EYA4: variants seen among roughly 807,000 people sequenced by gnomAD.
The protein encoded by EYA4 is protein phosphatase EYA4.
A neutral mutation model predicts 87.9 loss-of-function variants in EYA4; 31 were observed. The observed-to-expected ratio is 0.35, with a 90% CI of 0.27 to 0.48. EYA4 has a LOEUF of 0.48. EYA4 is among the 20% of genes least tolerant of loss of function. The pLI, the probability that EYA4 is intolerant of heterozygous loss-of-function variation, is 0.99. For missense variants in EYA4, 678 were observed against 761.4 expected (o/e 0.89, Z 1.29); for synonymous variants, 263 against 270.6 (o/e 0.97, Z 0.28).
intron 11 of EYA4, among the ~76,000 whole-genome samples, chr6:133,479,530 G>GTTTA (rs922229814): frequency 1.3e-4 from 19 of 151,942 alleles, no homozygotes; most frequent in Non-Finnish European, 2.2e-4. Flanking sequence ...GTTCAGATTT[G>GTTTA]TTTATTTAGA....
intron 2 of EYA4, among the ~76,000 whole-genome samples, chr6:133,278,313 C>A (rs78457404): frequency 0.05 from 7,638 of 152,222 alleles, 273 homozygotes; most frequent in Non-Finnish European, 0.078. Flanking sequence ...TCAGCCCTAC[C>A]GGTCAGGGCC....
intron 3 of EYA4, among the ~76,000 whole-genome samples, chr6:133,388,939 T>C (rs1406707388): frequency 1.3e-5 from 2 of 152,182 alleles, no homozygotes; most frequent in Non-Finnish European, 2.9e-5. Context: ...CCCACGTCCT[T>C]CTGCTTCTGC....
chr6:133,399,896 G>A (rs1039046470), intron 3 of EYA4, among the ~76,000 whole-genome samples: 2 of 152,166 alleles, frequency 1.3e-5, no homozygotes, highest in Admixed American at 6.5e-5. Context: ...AAAACACAAA[G>A]AGGAGGTTTT....
chr6:133,446,439 T>C (rs547473782), intron 3 of EYA4, among the ~76,000 whole-genome samples, 191 bp from the exon 4 acceptor site: 1 of 152,292 alleles, frequency 6.6e-6, no homozygotes, highest in East Asian at 1.9e-4. Flanking sequence ...GGGAAGCTTT[T>C]CTTATTTATT....
intron 2 of EYA4, among the ~76,000 whole-genome samples, chr6:133,328,277 C>G (rs971884596): frequency 1.3e-5 from 2 of 152,046 alleles, no homozygotes; most frequent in Non-Finnish European, 2.9e-5. Context: ...TATGTTATCA[C>G]TATTATTATT....
At chr6:133,355,644 G>T in intron 2 of EYA4, among the ~76,000 whole-genome samples, 1 of 152,272 alleles carries the variant, frequency 6.6e-6, no homozygotes, top group South Asian at 2.1e-4. Context: ...TGTCCTCATT[G>T]ATTGCTATAT....
At chr6:133,397,034 A>G (rs766099793) in intron 3 of EYA4, among the ~76,000 whole-genome samples, 1 of 152,206 alleles carries the variant, frequency 6.6e-6, no homozygotes, top group Non-Finnish European at 1.5e-5. Context: ...CAAGGCTTAG[A>G]AAATGTTAGT....
At chr6:133,288,326 C>T (rs558577957) in intron 2 of EYA4, among the ~76,000 whole-genome samples, 6 of 152,066 alleles carry the variant, frequency 3.9e-5, no homozygotes, top group Admixed American at 1.3e-4. Context: ...AGAAAGACAT[C>T]GAGTAAAGAA....
Position 133,337,817 on chromosome 6 carries a change from A to G in EYA4, c.34-44575A>G, listed in dbSNP as rs370847153. Among the ~76,000 whole-genome samples, 9 of 152,244 alleles carry G rather than the reference A, an allele frequency of 5.9e-5. 1 individual carries two copies. Among genetic ancestry groups the G allele is most frequent in the East Asian group, 3.9e-4 (2 of 5,172 alleles). ...TTATATAAGCTATTCCTTTTCCAGA[A>G]TTTGTTCAGATATCCACAAACTGAG... On this transcript the variant is annotated intron_variant, in intron 2 of 19. Transcript: ENST00000355286.
At chr6:133,527,433 G>A (rs2128823280) in intron 19 of EYA4, among the ~76,000 whole-genome samples, 1 of 152,280 alleles carries the variant, frequency 6.6e-6, no homozygotes, top group East Asian at 1.9e-4. Flanking sequence ...AATACAAGCT[G>A]TATATGTAGT....
At chr6:133,284,517 G>A (rs376152313) in intron 2 of EYA4, among the ~76,000 whole-genome samples, 1 of 152,168 alleles carries the variant, frequency 6.6e-6, no homozygotes, top group African/African-American at 2.4e-5. Context: ...ATAGCAGAAT[G>A]TATGGAAATT....
intron 2 of EYA4, among the ~76,000 whole-genome samples, chr6:133,303,891 A>G (rs1582899875): frequency 8.3e-6 from 1 of 121,128 alleles, no homozygotes; most frequent in Non-Finnish European, 2.1e-5. Flanking sequence ...ACTAAATTTA[A>G]TATGAGATTA....
Position 133,481,443 on chromosome 6 carries a change from C to T in EYA4, c.971-20C>T. On this transcript the variant is annotated intron_variant, in intron 11 of 19. Transcript: ENST00000355286. Reference sequence around the variant, plus strand: ...CTAAAAATGAAGTGCTATTCTTGACCTAAGTCATGTTATCTATAGGAGAGT... The same window carrying T: ...CTAAAAATGAAGTGCTATTCTTGACTTAAGTCATGTTATCTATAGGAGAGT... 6.2e-7 allele frequency: 1 copy of T among 1,612,172 alleles called. No individual in the cohort carries two copies. The highest frequency in any genetic ancestry group is 1.1e-5 in the South Asian group (1 of 91,040).
rs117552578 is a variant in EYA4, at chr6:133,518,596, T to C, written c.1616+3161T>C. Among the ~76,000 whole-genome samples, 86 of 152,316 alleles carry C rather than the reference T, an allele frequency of 5.6e-4. 2 individuals are homozygous for C. The East Asian group carries it at 0.016, about 28-fold the overall frequency. ...CCCTAATTATTCTGTGAATATAGTCTCAGAATAACGAAAGATGTAAGAATA... is the reference window on the plus strand; with the variant it reads ...CCCTAATTATTCTGTGAATATAGTCCCAGAATAACGAAAGATGTAAGAATA... On this transcript the variant is annotated intron_variant, in intron 17 of 19. Transcript: ENST00000355286.
intron 2 of EYA4, among the ~76,000 whole-genome samples, chr6:133,330,023 A>G (rs1187897581): frequency 6.6e-6 from 1 of 152,060 alleles, no homozygotes; most frequent in Non-Finnish European, 1.5e-5. Flanking sequence ...TTAATGAAAC[A>G]ATGTACAGTG....
At chr6:133,260,643 CTTTAT>C (rs1383425763) in intron 1 of EYA4, among the ~76,000 whole-genome samples, 2 of 152,150 alleles carry the variant, frequency 1.3e-5, no homozygotes, top group Non-Finnish European at 1.5e-5. Flanking sequence ...CTAGGTCAGT[CTTTAT>C]TTTATTTTAT....
chr6:133,446,649 C>T lies in EYA4; in HGVS notation c.103C>T (p.Leu35=), dbSNP rs35562371. 2,090 of 1,613,746 alleles carry T rather than the reference C, an allele frequency of 1.3e-3. 25 individuals carry two copies. The African/African-American group carries it at 0.023, about 18-fold the overall frequency. Residue 35 remains leucine, a synonymous_variant, in exon 4 of 20, where the codon CTA becomes TTA. Transcript: ENST00000355286. ...QNSRSMEMQD[L]ASPHTLVGGG... ...TACCAGGTCTATGGAAATGCAGGAC[C>T]TAGCAAGTCCTCATACTCTTGTTGG...
At chr6:133,511,102 A>G (rs1340773034) in intron 14 of EYA4, among the ~76,000 whole-genome samples, 3 of 152,176 alleles carry the variant, frequency 2.0e-5, no homozygotes, top group African/African-American at 7.2e-5. Context: ...CATACTCAGA[A>G]GGTACTGATT....
At chr6:133,266,976 G>A (rs894168945) in intron 1 of EYA4, among the ~76,000 whole-genome samples, 1 of 151,394 alleles carries the variant, frequency 6.6e-6, no homozygotes, top group Non-Finnish European at 1.5e-5. Flanking sequence ...GCTAGGTATT[G>A]TAGATAGGTA....
Sources: gnomAD v4.1 joint callset for allele counts (sites outside exome capture counted in the v4.1 genomes callset) on GRCh38, gnomAD v4.1.1 for gene constraint, MANE v1.5 for transcripts, NCBI Gene and HGNC (gene_info 2026-07-23, HGNC 2026-07-21) for gene names.